Variants in SHISA6 observed in about 807,000 individuals in gnomAD.
SHISA6 encodes shisa family member 6, also known as protein shisa-6.
In SHISA6, 22 loss-of-function variants were observed where a neutral mutation model predicts 47.9. The observed-to-expected ratio is 0.46, with a 90% confidence interval of 0.33 to 0.66. The LOEUF (loss-of-function observed/expected upper bound fraction) is 0.66. Among genes scored for constraint, SHISA6 ranks in the 30% least tolerant of loss-of-function variants. The probability of loss-of-function intolerance (pLI) is 0.02; values close to 1 mark genes in which losing one functional copy is unlikely to be tolerated. For synonymous variants in SHISA6, 388 were observed against 337.8 expected, an observed-to-expected ratio of 1.15 and a Z score of -1.63; for missense variants, 680 against 764.6, an observed-to-expected ratio of 0.89 and a Z score of 1.30.
At chr17:11,417,665 C>T (rs1914323161) in intron 3 of SHISA6, among the ~76,000 whole-genome samples, 1 of 152,226 alleles carries the variant, frequency 6.6e-6, no homozygotes, top group Non-Finnish European at 1.5e-5. Flanking sequence ...ACATAGAAGG[C>T]TGCTTTGGAC....
At chr17:11,304,476 G>A (rs906904943) in intron 2 of SHISA6, among the ~76,000 whole-genome samples, 1 of 152,050 alleles carries the variant, frequency 6.6e-6, no homozygotes, top group Non-Finnish European at 1.5e-5. Flanking sequence ...GTACTGGGAT[G>A]CAATGGGGAG....
chr17:11,534,308 T>C (rs2071767047), intron 3 of SHISA6, among the ~76,000 whole-genome samples: 1 of 152,012 alleles, frequency 6.6e-6, no homozygotes, highest in African/African-American at 2.4e-5. Flanking sequence ...GCGCCCGGCC[T>C]ATTCTAACAT....
chr17:11,418,575 C>T (rs1036937651), intron 3 of SHISA6, among the ~76,000 whole-genome samples: 4 of 152,156 alleles, frequency 2.6e-5, no homozygotes, highest in African/African-American at 9.6e-5. Flanking sequence ...AAAAGGGAAA[C>T]AGTAACTCTA....
intron 2 of SHISA6, among the ~76,000 whole-genome samples, chr17:11,356,470 A>C (rs1008493911): frequency 1.3e-5 from 2 of 152,176 alleles, no homozygotes; most frequent in African/African-American, 4.8e-5. Context: ...CTTTGGCTGG[A>C]ACATCTTATT....
chr17:11,286,787 T>G (rs2142165145), intron 2 of SHISA6, among the ~76,000 whole-genome samples: 1 of 152,330 alleles, frequency 6.6e-6, no homozygotes, highest in Middle Eastern at 3.4e-3. Context: ...CTTGTTTAAA[T>G]GACATGAATT....
intron 2 of SHISA6, among the ~76,000 whole-genome samples, chr17:11,329,412 A>T (rs1224746690): frequency 3.9e-5 from 6 of 152,228 alleles, no homozygotes; most frequent in Non-Finnish European, 8.8e-5. Flanking sequence ...ATTTACTGTT[A>T]TCTCGGAGAC....
At chr17:11,424,166 T>C (rs1914538077) in intron 3 of SHISA6, among the ~76,000 whole-genome samples, 1 of 152,140 alleles carries the variant, frequency 6.6e-6, no homozygotes, top group Non-Finnish European at 1.5e-5. Context: ...TCAACATTGA[T>C]GAATGACCAT....
chr17:11,352,828 T>A (rs952472873), intron 2 of SHISA6, among the ~76,000 whole-genome samples: 3 of 152,174 alleles, frequency 2.0e-5, no homozygotes, highest in Admixed American at 6.5e-5. Flanking sequence ...ATTGGAGTGG[T>A]CTTTCTAAAA....
chr17:11,535,020 C>T lies in SHISA6; in HGVS notation c.896-16876C>T, dbSNP rs1318154338. Reference sequence around the variant, plus strand: ...GCAGGCACCTGTAACCCCAGCTACTCGGGAGGCTGAAGCAGGAGGATTGCT... The same window carrying T: ...GCAGGCACCTGTAACCCCAGCTACTTGGGAGGCTGAAGCAGGAGGATTGCT... On this transcript the variant is annotated intron_variant, in intron 3 of 5. Coordinates refer to ENST00000441885, the MANE Select transcript of SHISA6 (RefSeq NM_207386.4). Among the ~76,000 whole-genome samples the T allele has an allele frequency of 3.3e-5, 5 of 152,054 alleles. No homozygotes were observed. The East Asian group carries it at 5.8e-4, about 18-fold the overall frequency.
At chr17:11,502,408 C>CAAAAAAAAAA (rs33980148) in intron 3 of SHISA6, among the ~76,000 whole-genome samples, 1 of 34,058 alleles carries the variant, frequency 2.9e-5, no homozygotes, top group African/African-American at 1.2e-4. Flanking sequence ...GACTCCGTCT[C>CAAAAAAAAAA]AAAAAAAAAA....
intron 2 of SHISA6, among the ~76,000 whole-genome samples, chr17:11,311,868 C>T (rs112420262): frequency 0.25 from 37,587 of 151,868 alleles, 4,869 homozygotes; most frequent in African/African-American, 0.31. Context: ...CTCCGTCTGC[C>T]GGGTTCAAGC....
At chr17:11,365,217 A>G (rs1912407910) in intron 2 of SHISA6, among the ~76,000 whole-genome samples, 1 of 152,168 alleles carries the variant, frequency 6.6e-6, no homozygotes, top group South Asian at 2.1e-4. Flanking sequence ...CTATTCAGGT[A>G]AAGAAATCCC....
chr17:11,347,518 A>G (rs1356561968), intron 2 of SHISA6, among the ~76,000 whole-genome samples: 2 of 152,222 alleles, frequency 1.3e-5, no homozygotes, highest in Admixed American at 6.5e-5. Context: ...GTATTATCTT[A>G]TTAATACTTA....
rs75368170 is a variant in SHISA6, at chr17:11,480,508, C to A, written c.896-71388C>A. Among the ~76,000 whole-genome samples the A allele has an allele frequency of 7.8e-3, 1,195 of 152,270 alleles. 21 individuals carry two copies. The highest frequency in any genetic ancestry group is 0.027 in the African/African-American group (1,140 of 41,562). On this transcript the variant is annotated intron_variant, in intron 3 of 5. Coordinates refer to ENST00000441885, the MANE Select transcript of SHISA6 (RefSeq NM_207386.4). ...GAGAAGGAAGGTATGGCCAGGCTCA[C>A]CCCAAAATCACAGGTTCCCCCCTTT... is the stretch of plus-strand genomic sequence containing the variant.
chr17:11,493,446 C>T (rs991152861), intron 3 of SHISA6, among the ~76,000 whole-genome samples: 2 of 152,126 alleles, frequency 1.3e-5, no homozygotes, highest in East Asian at 3.9e-4. Context: ...AGGCTGGTCT[C>T]GAACTCCTGA....
intron 5 of SHISA6, 116 bp from the exon 6 acceptor site, chr17:11,557,638 A>G (rs549696072): frequency 9.8e-7 from 1 of 1,018,258 alleles, no homozygotes; most frequent in South Asian, 1.7e-5. Context: ...GTTTGACTGT[A>G]TTATCCCTTA....
At chr17:11,256,599 C>A (rs1160992333) in intron 1 of SHISA6, among the ~76,000 whole-genome samples, 1 of 152,106 alleles carries the variant, frequency 6.6e-6, no homozygotes, top group Admixed American at 6.5e-5. Flanking sequence ...CTCATCTGTC[C>A]CCTGGTTGAC....
chr17:11,277,940 T>TTTTC (rs112558262), intron 2 of SHISA6, among the ~76,000 whole-genome samples: 8,919 of 152,238 alleles, frequency 0.059, 490 homozygotes, highest in African/African-American at 0.15. Context: ...CTAATGTGGT[T>TTTTC]TTTCTTTTCA....
At chr17:11,511,601 G>A (rs2071542314) in intron 3 of SHISA6, among the ~76,000 whole-genome samples, 1 of 151,400 alleles carries the variant, frequency 6.6e-6, no homozygotes, top group East Asian at 1.9e-4. Flanking sequence ...GGTTCAGTTA[G>A]TACTATCATG....
Sources: allele counts gnomAD v4.1 joint callset (sites outside exome capture counted in the v4.1 genomes callset), GRCh38; gene constraint gnomAD v4.1.1; transcripts MANE v1.5; gene names NCBI Gene and HGNC (gene_info 2026-07-23, HGNC 2026-07-21).